The following PYGB variants were observed in gnomAD, a reference collection of about 807,000 sequenced individuals.
PYGB encodes the protein glycogen phosphorylase B, also known as glycogen phosphorylase, brain form.
Under a neutral mutation model 94.3 loss-of-function variants are expected in PYGB, and 82 were observed. That is an observed-to-expected ratio of 0.87 (90% CI 0.73 to 1.04). The LOEUF (loss-of-function observed/expected upper bound fraction) is 1.04. PYGB is among the 50% of genes least tolerant of loss of function. The pLI is 0.00. For synonymous variants in PYGB, 488 were observed against 479.1 expected (o/e 1.02, Z -0.24); for missense variants, 1,132 against 1,158.2 (o/e 0.98, Z 0.33).
intron 1 of PYGB, among the ~76,000 whole-genome samples, chr20:25,256,622 A>G (rs2092903318): frequency 6.6e-6 from 1 of 152,246 alleles, no homozygotes; most frequent in South Asian, 2.1e-4. Context: ...CCCAGGCGGC[A>G]GGGCCTCCTT....
chr20:25,279,224 C>CT, intron 9 of PYGB, 75 bp downstream of exon 9: 1 of 1,454,290 alleles, frequency 6.9e-7, no homozygotes, highest in South Asian at 1.2e-5. Context: ...AGGAGCTGAG[C>CT]TGGGGGGCCT....
At chr20:25,255,400 G>T (rs1342635408) in intron 1 of PYGB, among the ~76,000 whole-genome samples, 1 of 151,920 alleles carries the variant, frequency 6.6e-6, no homozygotes, top group South Asian at 2.1e-4. Flanking sequence ...CTTTGTGTCT[G>T]GAGGGGCTGG....
chr20:25,281,098 C>G lies in PYGB; in HGVS notation c.1389C>G (p.Ile463Met), dbSNP rs201316067. Reference protein sequence around the residue: ...VNGVARIHSEIVKQSVFKDFY... With the variant: ...VNGVARIHSEMVKQSVFKDFY... Reference sequence around the variant, plus strand: ...GTGTGGCGAGGATCCACTCGGAGATCGTGAAACAGTCGGTGTGAGTGGGGC... The same window carrying G: ...GTGTGGCGAGGATCCACTCGGAGATGGTGAAACAGTCGGTGTGAGTGGGGC... Residue 463 changes from isoleucine (I) to methionine (M), a missense_variant, in exon 11 of 20, where the codon ATC becomes ATG. By Grantham distance (10) the Ile-to-Met change is conservative (BLOSUM62 1). Transcript: ENST00000216962. The G allele has an allele frequency of 1.1e-5, 18 of 1,614,014 alleles. No homozygotes were observed. The highest frequency in any genetic ancestry group is 1.5e-5 in the Non-Finnish European group (18 of 1,180,000).
chr20:25,251,669 A>G (rs992968997), intron 1 of PYGB, among the ~76,000 whole-genome samples: 1 of 152,190 alleles, frequency 6.6e-6, no homozygotes, highest in Non-Finnish European at 1.5e-5. Context: ...CTTCTATAAC[A>G]TCCTGAAAGG....
chr20:25,278,015 G>A (rs1046496837), intron 7 of PYGB, among the ~76,000 whole-genome samples: 1 of 152,240 alleles, frequency 6.6e-6, no homozygotes, highest in Non-Finnish European at 1.5e-5. Flanking sequence ...CCATGAGACT[G>A]TTGGCAGACC....
At chr20:25,281,247 T>C in intron 11 of PYGB, 135 bp downstream of exon 11, 1 of 1,226,418 alleles carries the variant, frequency 8.2e-7, no homozygotes, top group South Asian at 1.5e-5. Context: ...TCCATAGGAA[T>C]GACAGAGCTG....
chr20:25,261,973 G>A (rs1197847040), intron 2 of PYGB, among the ~76,000 whole-genome samples: 1 of 152,170 alleles, frequency 6.6e-6, no homozygotes, highest in Non-Finnish European at 1.5e-5. Flanking sequence ...AGAAATATGG[G>A]ACTATGTGAA....
rs751673321 is a variant in PYGB at position 25,248,308 on chromosome 20, C to G, written c.130C>G (p.Arg44Gly). ...CTTGCACTTCACGCTGGTCAAGGACCGCAATGTGGCCACGCCCCGCGACTA... is the reference window on the plus strand; with the variant it reads ...CTTGCACTTCACGCTGGTCAAGGACGGCAATGTGGCCACGCCCCGCGACTA... ...RHLHFTLVKD[R>G]NVATPRDYFF... The change falls in exon 1 of 20, where the codon CGC becomes GGC. Residue 44 changes from arginine (R) to glycine (G), a missense_variant. Physicochemically the swap from Arg to Gly is moderately radical, Grantham distance 125. Coordinates refer to ENST00000216962, the MANE Select transcript of PYGB (RefSeq NM_002862.4). 6.2e-7 allele frequency: 1 copy of G among 1,604,756 alleles called. No individual in the cohort carries two copies. Among genetic ancestry groups the G allele is most frequent in the South Asian group, 1.1e-5 (1 of 89,588 alleles).
intron 11 of PYGB, 135 bp from the exon 12 acceptor site, chr20:25,281,896 CTG>C: frequency 1.4e-6 from 1 of 709,560 alleles, no homozygotes; most frequent in Non-Finnish European, 2.4e-6. Flanking sequence ...CGCGGTCACT[CTG>C]TTCTCCTTAG....
intron 1 of PYGB, among the ~76,000 whole-genome samples, chr20:25,254,164 A>G (rs567855186): frequency 6.6e-6 from 1 of 152,206 alleles, no homozygotes; most frequent in Admixed American, 6.5e-5. Context: ...AAGCTCTCCT[A>G]CACACCCACA....
intron 1 of PYGB, among the ~76,000 whole-genome samples, chr20:25,258,439 G>A (rs1246667723): frequency 6.6e-6 from 1 of 152,230 alleles, no homozygotes; most frequent in Non-Finnish European, 1.5e-5. Context: ...AACCACCAAA[G>A]CAATTAGTAA....
intron 1 of PYGB, among the ~76,000 whole-genome samples, chr20:25,257,781 G>C (rs1423322196): frequency 6.6e-6 from 1 of 152,178 alleles, no homozygotes; most frequent in African/African-American, 2.4e-5. Context: ...TATTTTCTCA[G>C]ATAGCCAGGG....
intron 3 of PYGB, among the ~76,000 whole-genome samples, chr20:25,269,960 C>T (rs1044559955): frequency 6.6e-6 from 1 of 152,144 alleles, no homozygotes; most frequent in Admixed American, 6.5e-5. Flanking sequence ...CCTTTGCCTT[C>T]TGCCCACAGG....
chr20:25,257,550 C>G (rs534110221), intron 1 of PYGB, among the ~76,000 whole-genome samples: 37 of 152,222 alleles, frequency 2.4e-4, no homozygotes, highest in Non-Finnish European at 4.1e-4. Context: ...ACATTTTAGC[C>G]AGGTGTGGTG....
chr20:25,267,556 G>A (rs1049433740), intron 2 of PYGB, among the ~76,000 whole-genome samples: 2 of 152,024 alleles, frequency 1.3e-5, no homozygotes, highest in East Asian at 1.9e-4. Flanking sequence ...GTTGAGACAG[G>A]GTCTTGCTCT....
chr20:25,258,802 G>C (rs2092907598), intron 1 of PYGB, among the ~76,000 whole-genome samples: 1 of 152,254 alleles, frequency 6.6e-6, no homozygotes, highest in African/African-American at 2.4e-5. Flanking sequence ...TGTGCTCAGG[G>C]CTTTCCATTG....
rs1568704737 is a variant in PYGB at position 25,297,743 on chromosome 20, GCT to G, written c.*1224_*1225del. 1 of 152,308 alleles carries G rather than the reference GCT, an allele frequency of 6.6e-6. No homozygotes were observed. Among genetic ancestry groups the G allele is most frequent in the East Asian group, 1.9e-4 (1 of 5,196 alleles). 9.4% of individuals were successfully genotyped at this position (152,308 alleles called of 1,614,324 possible). A position where few individuals can be genotyped will look rare whatever the true frequency, so the allele number is the denominator to read the frequency against. On this transcript the variant is annotated 3_prime_UTR_variant, in exon 20 of 20. Transcript: ENST00000216962. ...CATGCTGGATCTGGGCTGCGGGGAG[GCT>G]CTTTTTCTCCCTGGCCTCCAGTGCC...
chr20:25,263,646 T>C (rs189747141), intron 2 of PYGB, among the ~76,000 whole-genome samples: 4 of 152,146 alleles, frequency 2.6e-5, no homozygotes, highest in Non-Finnish European at 4.4e-5. Context: ...GAGAATACTA[T>C]AAACACCTCT....
chr20:25,294,331 GGAGGGA>G, intron 18 of PYGB, 39 bp downstream of exon 18: 1 of 1,180,660 alleles, frequency 8.5e-7, no homozygotes, highest in Non-Finnish European at 1.2e-6. Flanking sequence ...TGGGAGGGAG[GGAGGGA>G]GGGAGGGGTC....
Sources: allele counts gnomAD v4.1 joint callset (sites outside exome capture counted in the v4.1 genomes callset), GRCh38; gene constraint gnomAD v4.1.1; transcripts MANE v1.5; gene names NCBI Gene and HGNC (gene_info 2026-07-23, HGNC 2026-07-21).